The following KAZN variants were observed in gnomAD, a reference collection of about 807,000 sequenced individuals.
KAZN encodes the protein kazrin, periplakin interacting protein.
KAZN carries 40 observed loss-of-function variants against 87.4 expected under a neutral mutation model. The ratio of observed to expected loss-of-function variants is 0.46; its 90% CI spans 0.36 to 0.60. The LOEUF is 0.60. Among genes scored for constraint, KAZN ranks in the 20% least tolerant of loss-of-function variants. The pLI, the probability that KAZN is intolerant of heterozygous loss-of-function variation, is 0.00. For synonymous variants in KAZN, 466 were observed against 458.3 expected, an observed-to-expected ratio of 1.02 and a Z score of -0.22; for missense variants, 898 against 1,073.9, an observed-to-expected ratio of 0.84 and a Z score of 2.29.
chr1:14,531,092 C>T (rs1247295591), intron 2 of KAZN, among the ~76,000 whole-genome samples: 2 of 152,246 alleles, frequency 1.3e-5, no homozygotes, highest in African/African-American at 4.8e-5. Flanking sequence ...GTCAATGAAT[C>T]AATCAGTAAC....
intron 1 of KAZN, among the ~76,000 whole-genome samples, chr1:14,034,345 G>A (rs946207715): frequency 5.3e-5 from 8 of 152,114 alleles, no homozygotes; most frequent in South Asian, 2.1e-4. Flanking sequence ...GACATCCTCC[G>A]GTGAGGCTGT....
chr1:14,324,646 A>G (rs1206565768), intron 2 of KAZN, among the ~76,000 whole-genome samples: 1 of 151,998 alleles, frequency 6.6e-6, no homozygotes, highest in Non-Finnish European at 1.5e-5. Flanking sequence ...GTGCCATTCT[A>G]CCAAGTTTCT....
At chr1:14,975,994 T>C (rs777998411) in intron 2 of KAZN, among the ~76,000 whole-genome samples, 53 of 137,944 alleles carry the variant, frequency 3.8e-4, no homozygotes, top group Non-Finnish European at 6.6e-4. Flanking sequence ...ATCATGCCAC[T>C]GCACTCCAGC....
chr1:15,109,978 T>G (rs1007734244), intron 13 of KAZN, among the ~76,000 whole-genome samples: 6 of 135,502 alleles, frequency 4.4e-5, no homozygotes, highest in African/African-American at 1.6e-4. Context: ...TTTGTATGTT[T>G]GTATGTTTAT....
intron 1 of KAZN, among the ~76,000 whole-genome samples, chr1:14,001,791 T>G (rs1639804129): frequency 1.3e-5 from 2 of 152,206 alleles, no homozygotes; most frequent in Admixed American, 1.3e-4. Context: ...GAAAACTGGC[T>G]AGCCATATGC....
chr1:14,862,586 T>C (rs1650990250), intron 1 of KAZN, among the ~76,000 whole-genome samples: 2 of 151,826 alleles, frequency 1.3e-5, no homozygotes, highest in Non-Finnish European at 2.9e-5. Context: ...CAGCAGGGAG[T>C]GAAGATGATT....
At chr1:14,292,007 C>T (rs992978253) in intron 2 of KAZN, among the ~76,000 whole-genome samples, 13 of 152,130 alleles carry the variant, frequency 8.5e-5, no homozygotes, top group Admixed American at 7.2e-4. Flanking sequence ...ATTACCCAGT[C>T]TCGGGTATTT....
intron 1 of KAZN, among the ~76,000 whole-genome samples, chr1:14,033,750 C>G (rs1054388048): frequency 6.6e-6 from 1 of 152,188 alleles, no homozygotes; most frequent in Non-Finnish European, 1.5e-5. Flanking sequence ...ACTGCAGCCA[C>G]TACAAAACTT....
chr1:14,107,293 G>A (rs149210714), intron 1 of KAZN, among the ~76,000 whole-genome samples: 241 of 151,938 alleles, frequency 1.6e-3, no homozygotes, highest in African/African-American at 5.6e-3. Context: ...CATGAGAGCA[G>A]TTAGGAGACA....
At chr1:13,984,069 G>A (rs1273760374) in intron 1 of KAZN, among the ~76,000 whole-genome samples, 1 of 151,896 alleles carries the variant, frequency 6.6e-6, no homozygotes, top group Admixed American at 6.6e-5. Flanking sequence ...GGAATGCAGT[G>A]ATGTGATCTC....
intron 2 of KAZN, among the ~76,000 whole-genome samples, chr1:14,573,633 C>G (rs1675002931): frequency 1.3e-5 from 2 of 152,112 alleles, no homozygotes; most frequent in Non-Finnish European, 2.9e-5. Flanking sequence ...CATGATACAG[C>G]AAGACTCTGT....
At chr1:14,130,645 G>A (rs775199020) in intron 1 of KAZN, among the ~76,000 whole-genome samples, 3 of 152,028 alleles carry the variant, frequency 2.0e-5, no homozygotes, top group South Asian at 2.1e-4. Context: ...CCTTATTTTA[G>A]TAACCAGAAA....
intron 1 of KAZN, among the ~76,000 whole-genome samples, chr1:14,625,388 C>T (rs1679060437): frequency 6.6e-6 from 1 of 152,092 alleles, no homozygotes; most frequent in Non-Finnish European, 1.5e-5. Flanking sequence ...AGGATAAAGC[C>T]TCAATTGTAA....
At chr1:14,229,976 C>G (rs151245300) in intron 2 of KAZN, among the ~76,000 whole-genome samples, 1 of 152,236 alleles carries the variant, frequency 6.6e-6, no homozygotes, top group African/African-American at 2.4e-5. Context: ...TCCAGACCCA[C>G]GTTCTCCGAG....
At chr1:14,047,893 G>A (rs1217640023) in intron 1 of KAZN, among the ~76,000 whole-genome samples, 1 of 150,172 alleles carries the variant, frequency 6.7e-6, no homozygotes, top group African/African-American at 2.5e-5. Flanking sequence ...AAAAAATAAA[G>A]AAAGAAGGAA....
intron 2 of KAZN, among the ~76,000 whole-genome samples, chr1:14,416,689 A>G (rs1254516153): frequency 6.6e-6 from 1 of 152,096 alleles, no homozygotes; most frequent in African/African-American, 2.4e-5. Flanking sequence ...GTGAGCTGAG[A>G]TCACGCCACT....
rs114192757 is a variant in KAZN, at chr1:14,015,415, C to T, written c.91+121659C>T. On this transcript the variant is annotated intron_variant, in intron 1 of 16. Coordinates refer to the KAZN transcript ENST00000636203. ...GCTGGAAAAACACTTTAGTTGTTCCCTATTGTCCTAAATTATTTTATAAAG... is the reference window on the plus strand; with the variant it reads ...GCTGGAAAAACACTTTAGTTGTTCCTTATTGTCCTAAATTATTTTATAAAG... Among the ~76,000 whole-genome samples the T allele has an allele frequency of 4.1e-3, 568 of 137,134 alleles. 6 individuals carry two copies. The highest frequency in any genetic ancestry group is 0.015 in the African/African-American group (555 of 37,038). The allele number at this position is 137,134 out of a possible 152,430, so 90.0% of individuals were successfully genotyped here.
rs1045596926 is a variant in KAZN, at chr1:14,599,672, C to T, written c.226+449C>T. 2.0e-5 allele frequency among the ~76,000 whole-genome samples: 3 copies of T among 152,218 alleles called. No individual in the cohort carries two copies. Among genetic ancestry groups the T allele is most frequent in the African/African-American group, 7.2e-5 (3 of 41,448 alleles). ...CCGCCGTGGTTGGGATAGAGGATTG[C>T]ACTGCTGTGCACTTTTCTCCGCGGA... On this transcript the variant is annotated intron_variant, in intron 1 of 14. Coordinates refer to ENST00000376030, the MANE Select transcript of KAZN (RefSeq NM_201628.3). This position sits in a 1 kb window ranked among gnomAD's most constrained non-coding sequence, Gnocchi z 4.4.
chr1:14,480,382 C>T (rs1454516126), intron 2 of KAZN, among the ~76,000 whole-genome samples: 1 of 152,108 alleles, frequency 6.6e-6, no homozygotes, highest in Non-Finnish European at 1.5e-5. Flanking sequence ...AATTTGCTTA[C>T]ATTCTAGCAG....
Sources: gnomAD v4.1 joint callset for allele counts (sites outside exome capture counted in the v4.1 genomes callset) on GRCh38, gnomAD v4.1.1 for gene constraint, Gnocchi (gnomAD v3.1) non-coding constraint, MANE v1.5 for transcripts, NCBI Gene and HGNC (gene_info 2026-07-23, HGNC 2026-07-21) for gene names.